Variants in PLCL1 observed in about 807,000 individuals in gnomAD.
The protein encoded by PLCL1 is inactive phospholipase C-like protein 1.
Under a neutral mutation model 84.4 loss-of-function variants are expected in PLCL1, and 41 were observed. That is an observed-to-expected ratio of 0.49 (90% CI 0.38 to 0.63). The LOEUF is 0.63. Ranked by LOEUF, PLCL1 falls within the 30% of genes least tolerant of loss-of-function variation. The pLI is 0.00. For synonymous variants in PLCL1, 490 were observed against 488.3 expected (o/e 1.00, Z -0.05); for missense variants, 1,206 against 1,367.8 (o/e 0.88, Z 1.87).
At chr2:198,098,725 G>A (rs1387844270) in intron 3 of PLCL1, among the ~76,000 whole-genome samples, 3 of 152,152 alleles carry the variant, frequency 2.0e-5, no homozygotes, top group African/African-American at 7.2e-5. Context: ...CATCTTTTCA[G>A]TATTATTAAA....
chr2:197,832,926 G>A (rs1691099699), intron 1 of PLCL1, among the ~76,000 whole-genome samples: 1 of 152,194 alleles, frequency 6.6e-6, no homozygotes, highest in Admixed American at 6.5e-5. Context: ...AATAGATGCA[G>A]AAAAGGCCTT....
rs1693179283 is a variant in PLCL1, at chr2:198,095,911, A to C, written c.2920-5374A>C. On this transcript the variant is annotated intron_variant, in intron 3 of 5. Coordinates refer to ENST00000428675, the MANE Select transcript of PLCL1 (RefSeq NM_006226.4). ...GAATCAGCACAGATAGTCATGATAG[A>C]ACGAATGACAGTTCTGTAACTCAAG... Among the ~76,000 whole-genome samples, 3 of 152,244 alleles carry C rather than the reference A, an allele frequency of 2.0e-5. No individual in the cohort carries two copies. The South Asian group carries it at 6.2e-4, about 31-fold the overall frequency.
intron 1 of PLCL1, among the ~76,000 whole-genome samples, chr2:197,987,339 A>G (rs1690239130): frequency 6.6e-6 from 1 of 152,222 alleles, no homozygotes; most frequent in African/African-American, 2.4e-5. Flanking sequence ...CAACTTCTTT[A>G]GAAAAGTCAG....
At chr2:198,053,256 A>G (rs1691985854) in intron 1 of PLCL1, among the ~76,000 whole-genome samples, 2 of 152,152 alleles carry the variant, frequency 1.3e-5, no homozygotes, top group Non-Finnish European at 2.9e-5. Flanking sequence ...CTCCCACTTC[A>G]TTATCTGCAT....
chr2:197,924,964 G>A (rs1688806588), intron 1 of PLCL1, among the ~76,000 whole-genome samples: 1 of 152,064 alleles, frequency 6.6e-6, no homozygotes, highest in Non-Finnish European at 1.5e-5. Context: ...AATAAATTCG[G>A]GCAATCAAAC....
chr2:198,144,847 C>A (rs1460490518), intron 5 of PLCL1, among the ~76,000 whole-genome samples: 29 of 152,250 alleles, frequency 1.9e-4, no homozygotes, highest in Non-Finnish European at 4.4e-5. Context: ...GGGTGCCCTG[C>A]AGAGAGTGCC....
At chr2:197,976,766 T>C (rs1349453918) in intron 1 of PLCL1, among the ~76,000 whole-genome samples, 1 of 152,162 alleles carries the variant, frequency 6.6e-6, no homozygotes, top group African/African-American at 2.4e-5. Context: ...TATTTCTAAT[T>C]CACTCTTGCT....
intron 1 of PLCL1, among the ~76,000 whole-genome samples, chr2:197,838,135 T>A (rs1165350779): frequency 6.6e-6 from 1 of 152,238 alleles, no homozygotes; most frequent in Non-Finnish European, 1.5e-5. Flanking sequence ...GCGGCATGTT[T>A]CTCAGGAAGC....
intron 1 of PLCL1, among the ~76,000 whole-genome samples, chr2:197,970,151 G>T (rs1387384656): frequency 6.6e-6 from 1 of 152,152 alleles, no homozygotes; most frequent in Admixed American, 6.5e-5. Context: ...CACATTTCTG[G>T]AGGCTGGAAA....
At chr2:197,874,364 G>T (rs1559031959) in intron 1 of PLCL1, among the ~76,000 whole-genome samples, 1 of 152,018 alleles carries the variant, frequency 6.6e-6, no homozygotes, top group East Asian at 1.9e-4. Context: ...TTTGGAATAT[G>T]TAGATAAACA....
At chr2:198,026,952 T>C (rs745559847) in intron 1 of PLCL1, among the ~76,000 whole-genome samples, 3 of 152,100 alleles carry the variant, frequency 2.0e-5, no homozygotes, top group Non-Finnish European at 2.9e-5. Flanking sequence ...TAGAAAATAG[T>C]ATGGAGAGTT....
At chr2:198,064,528 C>T (rs1488483220) in intron 1 of PLCL1, among the ~76,000 whole-genome samples, 1 of 152,082 alleles carries the variant, frequency 6.6e-6, no homozygotes, top group African/African-American at 2.4e-5. Flanking sequence ...TTAAAATGTT[C>T]ACTTTATAAT....
intron 1 of PLCL1, among the ~76,000 whole-genome samples, chr2:197,810,016 G>GGA (rs1690551797): frequency 6.6e-6 from 1 of 152,068 alleles, no homozygotes; most frequent in African/African-American, 2.4e-5. Context: ...ACTTATGGAT[G>GGA]GATTTTGGAG....
chr2:198,051,375 A>G (rs1028233748), intron 1 of PLCL1, among the ~76,000 whole-genome samples: 5 of 152,210 alleles, frequency 3.3e-5, no homozygotes, highest in Admixed American at 3.3e-4. Flanking sequence ...CTAACATATT[A>G]CAGTTTTAGA....
At chr2:197,828,776 C>G (rs1364075857) in intron 1 of PLCL1, among the ~76,000 whole-genome samples, 1 of 152,088 alleles carries the variant, frequency 6.6e-6, no homozygotes, top group Non-Finnish European at 1.5e-5. Context: ...GTTATGTCCC[C>G]TTAGGAAACA....
intron 1 of PLCL1, among the ~76,000 whole-genome samples, chr2:197,835,458 C>A (rs1294998123): frequency 6.6e-6 from 1 of 152,190 alleles, no homozygotes; most frequent in African/African-American, 2.4e-5. Flanking sequence ...AATTACTCCT[C>A]ATATTCCACC....
chr2:197,859,977 GT>G (rs943837566), intron 1 of PLCL1, among the ~76,000 whole-genome samples: 3 of 152,030 alleles, frequency 2.0e-5, no homozygotes, highest in Non-Finnish European at 4.4e-5. Context: ...TTACCCAGGT[GT>G]TCAGCCTAGT....
At chr2:197,915,611 T>G (rs372636148) in intron 1 of PLCL1, among the ~76,000 whole-genome samples, 57 of 152,026 alleles carry the variant, frequency 3.7e-4, no homozygotes, top group African/African-American at 1.3e-3. Flanking sequence ...GGTGGAGATC[T>G]TTCTTCTTCA....
intron 1 of PLCL1, among the ~76,000 whole-genome samples, chr2:197,853,843 C>T (rs954299786): frequency 1.3e-5 from 2 of 152,144 alleles, no homozygotes; most frequent in Non-Finnish European, 1.5e-5. Context: ...CTTCATTCTT[C>T]CATCTCCTGT....
Sources: gnomAD v4.1 joint callset for allele counts (sites outside exome capture counted in the v4.1 genomes callset) on GRCh38, gnomAD v4.1.1 for gene constraint, MANE v1.5 for transcripts, NCBI Gene and HGNC (gene_info 2026-07-23, HGNC 2026-07-21) for gene names.